IL1RAPL1: variants seen among roughly 807,000 people sequenced by gnomAD.
The protein encoded by IL1RAPL1 is interleukin-1 receptor accessory protein-like 1.
Under a neutral mutation model 48.4 loss-of-function variants are expected in IL1RAPL1, and 3 were observed. The observed-to-expected ratio is 0.06, with a 90% CI of 0.03 to 0.16. IL1RAPL1 has a LOEUF of 0.16. Among genes scored for constraint, IL1RAPL1 ranks in the 10% least tolerant of loss-of-function variants. The pLI, the probability that IL1RAPL1 is intolerant of heterozygous loss-of-function variation, is 1.00. For synonymous variants in IL1RAPL1, 185 were observed against 187.7 expected, an observed-to-expected ratio of 0.99 and a Z score of 0.12; for missense variants, 349 against 530.6, an observed-to-expected ratio of 0.66 and a Z score of 3.36.
intron 2 of IL1RAPL1, among the ~76,000 whole-genome samples, chrX:29,278,525 GA>G (rs1483291424): frequency 8.9e-6 from 1 of 112,233 alleles, no homozygotes; most frequent in Non-Finnish European, 1.9e-5. Context: ...TCCCATCAGG[GA>G]AGGAGAGTAC....
At chrX:29,476,235 C>A (rs925163437) in intron 5 of IL1RAPL1, among the ~76,000 whole-genome samples, 3 of 111,611 alleles carry the variant, frequency 2.7e-5, no homozygotes, top group African/African-American at 9.8e-5. Context: ...TAACCAGAGA[C>A]AAGATGGCCA....
chrX:29,580,603 G>T (rs896287401), intron 5 of IL1RAPL1, among the ~76,000 whole-genome samples: 2 of 111,630 alleles, frequency 1.8e-5, no homozygotes, highest in Admixed American at 9.6e-5. Context: ...TCTGGGGGTT[G>T]GCTATCTGTA....
At chrX:28,638,012 G>A (rs1934485717) in intron 1 of IL1RAPL1, among the ~76,000 whole-genome samples, 1 of 111,751 alleles carries the variant, frequency 8.9e-6, no homozygotes, top group African/African-American at 3.2e-5. Context: ...CAAGATTCTT[G>A]TTGTATATAT....
At chrX:29,277,697 T>A (rs1932140973) in intron 2 of IL1RAPL1, among the ~76,000 whole-genome samples, 1 of 111,992 alleles carries the variant, frequency 8.9e-6, no homozygotes, top group African/African-American at 3.2e-5. Context: ...ACAGGTTGAG[T>A]ATCCTTTTTT....
intron 2 of IL1RAPL1, among the ~76,000 whole-genome samples, chrX:28,844,936 G>C (rs1921469444): frequency 9.0e-6 from 1 of 111,459 alleles, no homozygotes; most frequent in Non-Finnish European, 1.9e-5. Context: ...CACAGTTCTT[G>C]AAAAAGCTTT....
rs933563925 is a variant in IL1RAPL1 at position 28,694,820 on chromosome X, C to G, written c.-24-94500C>G. Among the ~76,000 whole-genome samples the G allele has an allele frequency of 5.7e-4, 64 of 111,540 alleles. 1 individual carries two copies. Among genetic ancestry groups the G allele is most frequent in the African/African-American group, 1.5e-3 (47 of 30,725 alleles). On this transcript the variant is annotated intron_variant, in intron 1 of 10. Transcript: ENST00000378993. ...AGGATAAAGGCAACAAACTTTCTGA[C>G]TGATCCTGGATTTTCCTCAAGAGCA...
intron 5 of IL1RAPL1, among the ~76,000 whole-genome samples, chrX:29,404,297 A>G (rs1183575232): frequency 1.8e-5 from 2 of 112,311 alleles, no homozygotes; most frequent in Non-Finnish European, 3.8e-5. Flanking sequence ...CCAGAATGTC[A>G]TATAATTGAA....
At chrX:29,751,693 G>T (rs935528024) in intron 6 of IL1RAPL1, among the ~76,000 whole-genome samples, 3 of 110,722 alleles carry the variant, frequency 2.7e-5, no homozygotes, top group African/African-American at 9.9e-5. Flanking sequence ...TGTTTTGGGA[G>T]GCCGAGGTGG....
intron 5 of IL1RAPL1, among the ~76,000 whole-genome samples, chrX:29,463,159 C>T (rs773597460): frequency 2.2e-4 from 23 of 104,281 alleles, no homozygotes; most frequent in African/African-American, 8.1e-4. Flanking sequence ...GAGAGATTCA[C>T]ACAAGAAATA....
At chrX:29,124,454 T>G (rs942209369) in intron 2 of IL1RAPL1, among the ~76,000 whole-genome samples, 1 of 112,310 alleles carries the variant, frequency 8.9e-6, no homozygotes, top group Admixed American at 9.5e-5. Flanking sequence ...ACTATCAACT[T>G]TGGTTTTTAA....
chrX:28,844,225 G>T (rs1921449306), intron 2 of IL1RAPL1, among the ~76,000 whole-genome samples: 1 of 105,441 alleles, frequency 9.5e-6, no homozygotes, highest in African/African-American at 3.5e-5. Flanking sequence ...TCCCAAAAAA[G>T]GTGGGAACGG....
intron 2 of IL1RAPL1, among the ~76,000 whole-genome samples, chrX:28,792,816 AATATATAT>A (rs1555924328): frequency 1.4e-3 from 14 of 10,108 alleles, no homozygotes; most frequent in Non-Finnish European, 2.3e-3. Flanking sequence ...AAAAAAAAAA[AATATATAT>A]ATATATATAT....
At position 28,770,523 on chromosome X, in the gene IL1RAPL1, T is replaced by C. The variant is rs776622283; in HGVS notation, c.-24-18797T>C. ...TAAAGTGCTATCCTTCCAACGTGTA[T>C]AATAGTTTTTAAATGCAATCTTGCT... On this transcript the variant is annotated intron_variant, in intron 1 of 10. Coordinates refer to ENST00000378993, the MANE Select transcript of IL1RAPL1 (RefSeq NM_014271.4). Among the ~76,000 whole-genome samples, 941 of 112,381 alleles carry C rather than the reference T, an allele frequency of 8.4e-3. 10 individuals carry two copies. Among genetic ancestry groups the C allele is most frequent in the African/African-American group, 0.029 (889 of 30,996 alleles).
At chrX:29,361,226 C>T (rs2147659424) in intron 3 of IL1RAPL1, among the ~76,000 whole-genome samples, 1 of 111,535 alleles carries the variant, frequency 9.0e-6, no homozygotes, top group South Asian at 3.8e-4. Flanking sequence ...CGATTTTCAT[C>T]TTCCTCAGAC....
intron 5 of IL1RAPL1, among the ~76,000 whole-genome samples, chrX:29,488,955 A>G (rs1379411990): frequency 9.0e-6 from 1 of 111,283 alleles, no homozygotes; most frequent in Non-Finnish European, 1.9e-5. Context: ...GGGGAGAGGG[A>G]TCAGAGTCTT....
At chrX:29,813,111 A>C (rs1034759705) in intron 6 of IL1RAPL1, among the ~76,000 whole-genome samples, 4 of 111,877 alleles carry the variant, frequency 3.6e-5, no homozygotes, top group African/African-American at 1.3e-4. Flanking sequence ...TGTTTTACTC[A>C]AGAATTGGAT....
chrX:28,869,243 A>G (rs1004877924), intron 2 of IL1RAPL1, among the ~76,000 whole-genome samples: 3 of 112,350 alleles, frequency 2.7e-5, no homozygotes, highest in African/African-American at 9.7e-5. Context: ...TTTAGTTGAG[A>G]TCCAGAATCG....
At chrX:29,056,756 C>T (rs1927224235) in intron 2 of IL1RAPL1, among the ~76,000 whole-genome samples, 1 of 111,742 alleles carries the variant, frequency 8.9e-6, no homozygotes, top group African/African-American at 3.3e-5. Flanking sequence ...ACCCATCATG[C>T]ATTAACTATT....
At chrX:29,907,016 G>A (rs1000074055) in intron 6 of IL1RAPL1, among the ~76,000 whole-genome samples, 3 of 111,351 alleles carry the variant, frequency 2.7e-5, no homozygotes, top group African/African-American at 9.8e-5. Context: ...TGATATGAAA[G>A]TTAGTGGAAA....
Sources: allele counts gnomAD v4.1 joint callset (sites outside exome capture counted in the v4.1 genomes callset), GRCh38; gene constraint gnomAD v4.1.1; transcripts MANE v1.5; gene names NCBI Gene and HGNC (gene_info 2026-07-23, HGNC 2026-07-21).